Variants in MEF2C observed in about 807,000 individuals in gnomAD.
The protein encoded by MEF2C is myocyte-specific enhancer factor 2C.
In MEF2C, 6 loss-of-function variants were observed where a neutral mutation model predicts 50.5. The observed-to-expected ratio is 0.12, with a 90% CI of 0.07 to 0.23. The LOEUF is 0.23. MEF2C is among the 10% of genes least tolerant of loss of function. MEF2C has a pLI of 1.00. For synonymous variants in MEF2C, 183 were observed against 228.0 expected (o/e 0.80, Z 1.78); for missense variants, 276 against 605.0 (o/e 0.46, Z 5.70).
At chr5:88,839,248 A>G (rs1179827273) in intron 1 of MEF2C, 1 of 152,108 alleles carries the variant, frequency 6.6e-6, no homozygotes, top group African/African-American at 2.4e-5. Flanking sequence ...ACATAATTAT[A>G]TATGTTATTG....
intron 1 of MEF2C, among the ~76,000 whole-genome samples, chr5:88,864,543 A>T (rs1030265002): frequency 6.6e-6 from 1 of 150,958 alleles, no homozygotes; most frequent in African/African-American, 2.4e-5. Context: ...AATACACATA[A>T]ATATAAATAT....
At chr5:88,812,632 T>C (rs1005064742) in intron 2 of MEF2C, among the ~76,000 whole-genome samples, 2 of 152,136 alleles carry the variant, frequency 1.3e-5, no homozygotes, top group South Asian at 4.1e-4. Flanking sequence ...AACGATTTTA[T>C]AATTAATTAT....
chr5:88,779,999 T>C (rs370909839), intron 3 of MEF2C, among the ~76,000 whole-genome samples: 142 of 151,926 alleles, frequency 9.3e-4, no homozygotes, highest in Non-Finnish European at 1.5e-3. Context: ...ACAAAAAAAT[T>C]AGCTGGGCAT....
At chr5:88,831,714 T>C (rs1473090267) in intron 1 of MEF2C, among the ~76,000 whole-genome samples, 2 of 152,084 alleles carry the variant, frequency 1.3e-5, no homozygotes, top group East Asian at 1.9e-4. Flanking sequence ...AAAATATATA[T>C]GATATTGCTA....
At chr5:88,746,406 A>T in intron 6 of MEF2C, 1 of 565,438 alleles carries the variant, frequency 1.8e-6, no homozygotes, top group Non-Finnish European at 2.2e-6. Context: ...TGTTCAATTT[A>T]CTTCCTTGCC....
intron 6 of MEF2C, chr5:88,734,586 T>TTG (rs1763274368): frequency 2.1e-6 from 2 of 941,058 alleles, no homozygotes; most frequent in African/African-American, 1.8e-5. Flanking sequence ...TTTTTTTTTT[T>TTG]TTTTTTTTTT....
chr5:88,743,962 G>A (rs565855858), intron 6 of MEF2C: 2 of 931,922 alleles, frequency 2.1e-6, no homozygotes, highest in African/African-American at 3.6e-5. Context: ...CTGTCAAATA[G>A]CTATGTAGAT....
chr5:88,778,719 A>G (rs980656747), intron 3 of MEF2C, among the ~76,000 whole-genome samples: 1 of 152,222 alleles, frequency 6.6e-6, no homozygotes, highest in African/African-American at 2.4e-5. Context: ...AAAGTAAATG[A>G]CTTAAACTTC....
At chr5:88,805,760 A>G (rs1276545314) in intron 2 of MEF2C, among the ~76,000 whole-genome samples, 2 of 145,764 alleles carry the variant, frequency 1.4e-5, no homozygotes, top group African/African-American at 5.2e-5. Context: ...CCCAATTTCA[A>G]CTCTCTTTTA....
At chr5:88,851,181 C>T (rs1013113293) in intron 1 of MEF2C, among the ~76,000 whole-genome samples, 1 of 141,542 alleles carries the variant, frequency 7.1e-6, no homozygotes, top group Non-Finnish European at 1.5e-5. Context: ...TGCAGTGAGC[C>T]GAGATCGCGC....
intron 3 of MEF2C, among the ~76,000 whole-genome samples, chr5:88,793,768 A>G (rs1347500272): frequency 6.6e-6 from 1 of 151,974 alleles, no homozygotes; most frequent in African/African-American, 2.4e-5. Flanking sequence ...TACATTAGGT[A>G]TTTCTCCTAA....
At chr5:88,845,723 G>A (rs7734502) in intron 1 of MEF2C, among the ~76,000 whole-genome samples, 5,879 of 152,096 alleles carry the variant, frequency 0.039, 123 homozygotes, top group Non-Finnish European at 0.041. Context: ...ATTTTAAATG[G>A]TAATAACACT....
At chr5:88,779,874 A>T (rs1786967141) in intron 3 of MEF2C, among the ~76,000 whole-genome samples, 1 of 151,578 alleles carries the variant, frequency 6.6e-6, no homozygotes, top group African/African-American at 2.4e-5. Context: ...ACAGTGTCTC[A>T]TGTCTCACGC....
intron 6 of MEF2C, chr5:88,743,868 T>A (rs1768054121): frequency 1.0e-6 from 1 of 963,014 alleles, no homozygotes. Flanking sequence ...CAGATGTTAG[T>A]TTCTTTTTTA....
intron 3 of MEF2C, chr5:88,772,883 A>G: frequency 5.1e-6 from 5 of 985,476 alleles, no homozygotes; most frequent in Non-Finnish European, 6.0e-6. Flanking sequence ...GTGAAGAACA[A>G]ACACACTTAG....
rs1777749045 is a variant in MEF2C at position 88,761,323 on chromosome 5, C to T, written c.264G>A (p.Leu88=). The T allele has an allele frequency of 1.2e-6, 2 of 1,611,960 alleles. No homozygotes were observed. The highest frequency in any genetic ancestry group is 1.7e-6 in the Non-Finnish European group (2 of 1,179,080). The stretch of plus-strand genomic sequence containing the variant: ...CACAGCCATTAAGGCCCTTCTTTCT[C>T]AACGTCTGAAATACATAATTTGGAA... ...SRTNSDIVET[L]RKKGLNGCDS... is the part of the protein sequence containing the mutation. The change falls in exon 4 of 11, where the codon TTG becomes TTA. Residue 88 remains leucine (L), a synonymous_variant. Transcript: ENST00000504921.
intron 6 of MEF2C, chr5:88,740,357 A>C: frequency 1.0e-6 from 1 of 984,978 alleles, no homozygotes; most frequent in African/African-American, 1.7e-5. Flanking sequence ...GAGGTAAAGA[A>C]ATTTTACTTA....
intron 1 of MEF2C, among the ~76,000 whole-genome samples, chr5:88,851,864 T>C (rs528722231): frequency 6.6e-6 from 1 of 152,314 alleles, no homozygotes; most frequent in South Asian, 2.1e-4. Context: ...GTATTCTAAT[T>C]GTACTAAAAT....
At chr5:88,832,224 C>T (rs1011324620) in intron 1 of MEF2C, among the ~76,000 whole-genome samples, 4 of 151,998 alleles carry the variant, frequency 2.6e-5, no homozygotes, top group African/African-American at 9.7e-5. Flanking sequence ...TGTACATTCT[C>T]GAAATAATAC....
Sources: allele counts gnomAD v4.1 joint callset (sites outside exome capture counted in the v4.1 genomes callset), GRCh38; gene constraint gnomAD v4.1.1; transcripts MANE v1.5; gene names NCBI Gene and HGNC (gene_info 2026-07-23, HGNC 2026-07-21).